The following BRPF3 variants were observed in gnomAD, a reference collection of about 807,000 sequenced individuals.
BRPF3 encodes bromodomain and PHD finger-containing protein 3.
BRPF3 carries 18 observed loss-of-function variants against 102.0 expected under a neutral mutation model. The observed-to-expected ratio is 0.18, with a 90% CI of 0.12 to 0.26. The LOEUF is 0.26. BRPF3 is among the 10% of genes least tolerant of loss of function. The probability of loss-of-function intolerance (pLI) is 1.00; values close to 1 mark genes in which losing one functional copy is unlikely to be tolerated. For synonymous variants in BRPF3, 570 were observed against 614.2 expected (o/e 0.93, Z 1.06); for missense variants, 1,147 against 1,567.8 (o/e 0.73, Z 4.53).
chr6:36,201,424 A>G lies in BRPF3; in HGVS notation c.1102A>G (p.Thr368Ala). The stretch of plus-strand genomic sequence containing the variant: ...CATGAAGATTGAGCCCATGCGCGAA[A>G]CCAGCCTCAATGGCACCATCTTTAC... ...LFMKIEPMRE[T>A]SLNGTIFTVR... The change falls in exon 2 of 13, where the codon ACC (threonine) becomes GCC (alanine). Residue 368 changes from threonine (T) to alanine (A), a missense_variant. By Grantham distance (58) the Thr-to-Ala change is moderately conservative (BLOSUM62 0). Transcript: ENST00000357641. This position sits in a 1 kb window ranked among gnomAD's most constrained non-coding sequence, Gnocchi z 5.1. 6 of 1,614,162 alleles carry G rather than the reference A, an allele frequency of 3.7e-6. No individual in the cohort carries two copies. Among genetic ancestry groups the G allele is most frequent in the Non-Finnish European group, 5.1e-6 (6 of 1,180,028 alleles).
intron 2 of BRPF3, among the ~76,000 whole-genome samples, chr6:36,202,732 A>G (rs1767760811): frequency 6.6e-6 from 1 of 152,170 alleles, no homozygotes; most frequent in East Asian, 1.9e-4. Context: ...TTTATTGAGC[A>G]CTTAATACAT....
rs527945521 is a variant in BRPF3 at position 36,209,456 on chromosome 6, T to C, written c.1738-331T>C. Among the ~76,000 whole-genome samples, 6 of 152,344 alleles carry C rather than the reference T, an allele frequency of 3.9e-5. No homozygotes were observed. In the South Asian group the frequency reaches 1.2e-3, roughly 32 times the overall value. On this transcript the variant is annotated intron_variant, in intron 4 of 12. Coordinates refer to ENST00000357641, the MANE Select transcript of BRPF3 (RefSeq NM_015695.3). The stretch of plus-strand genomic sequence containing the variant: ...CCTCATCTGTTCCTACCTCATATAC[T>C]CATTTATTTTACATAAAATGCTTAG...
At chr6:36,214,446 A>G in intron 8 of BRPF3, 60 bp downstream of exon 8, 1 of 1,493,780 alleles carries the variant, frequency 6.7e-7, no homozygotes, top group South Asian at 1.4e-5. Context: ...TTGCCTTGCC[A>G]ACCAGCACCT....
rs750789148 is a variant in BRPF3 at position 36,201,812 on chromosome 6, T to C, written c.1448+42T>C. ...GGGCTCCTTAGGGACTCATGGTTTC[T>C]TCTTGGGTTGGTGTTGGCCCTGTGC... On this transcript the variant is annotated intron_variant, in intron 2 of 12. Transcript: ENST00000357641. This position sits in a 1 kb window ranked among gnomAD's most constrained non-coding sequence, Gnocchi z 5.1. 6.5e-7 allele frequency: 1 copy of C among 1,542,574 alleles called. No homozygotes were observed. Among genetic ancestry groups the C allele is most frequent in the Non-Finnish European group, 8.7e-7 (1 of 1,146,604 alleles).
intron 9 of BRPF3, among the ~76,000 whole-genome samples, chr6:36,220,756 A>G (rs1446283865): frequency 1.3e-5 from 2 of 152,182 alleles, no homozygotes. Context: ...GTTTTTTCCC[A>G]AACAGTTTCT....
chr6:36,227,288 G>A (rs1274580342), intron 11 of BRPF3, among the ~76,000 whole-genome samples: 4 of 151,736 alleles, frequency 2.6e-5, no homozygotes, highest in Non-Finnish European at 5.9e-5. Flanking sequence ...CATTATAGAA[G>A]TTTGGAAAAA....
At chr6:36,222,407 T>A (rs1768581613) in intron 10 of BRPF3, 142 bp downstream of exon 10, 1 of 660,750 alleles carries the variant, frequency 1.5e-6, no homozygotes, top group Admixed American at 2.8e-5. Context: ...GGCAGGGAGA[T>A]GGCACTCTCC....
At chr6:36,205,617 AT>A (rs904018269) in intron 3 of BRPF3, among the ~76,000 whole-genome samples, 131 of 152,202 alleles carry the variant, frequency 8.6e-4, no homozygotes, top group African/African-American at 2.9e-3. Context: ...ATTGGGCTGC[AT>A]TTGACACCAC....
At chr6:36,203,671 A>T (rs981647123) in intron 2 of BRPF3, among the ~76,000 whole-genome samples, 1 of 152,194 alleles carries the variant, frequency 6.6e-6, no homozygotes, top group African/African-American at 2.4e-5. Flanking sequence ...CAACTTGTTT[A>T]GCTGTGCTTA....
At chr6:36,220,130 G>A (rs541943139) in intron 9 of BRPF3, among the ~76,000 whole-genome samples, 52 of 152,324 alleles carry the variant, frequency 3.4e-4, no homozygotes, top group African/African-American at 1.2e-3. Flanking sequence ...CTTGGAGAAA[G>A]GGCTGAAATG....
At chr6:36,197,296 G>T (rs1449198576) in intron 1 of BRPF3, 1 of 151,834 alleles carries the variant, frequency 6.6e-6, no homozygotes, top group Admixed American at 6.6e-5. Context: ...AGCGGCCCTA[G>T]GTCCCCTGGG....
At chr6:36,218,367 T>G (rs1768407668) in intron 9 of BRPF3, among the ~76,000 whole-genome samples, 1 of 151,966 alleles carries the variant, frequency 6.6e-6, no homozygotes, top group African/African-American at 2.4e-5. Flanking sequence ...CATTACAGAG[T>G]TGGTTTTGCT....
intron 12 of BRPF3, among the ~76,000 whole-genome samples, chr6:36,229,795 T>C (rs1768872720): frequency 6.6e-6 from 1 of 152,232 alleles, no homozygotes. Context: ...GATTGCTTTA[T>C]ATATCTGATC....
At position 36,201,780 on chromosome 6, in the gene BRPF3, C is replaced by A; in HGVS notation, c.1448+10C>A. The A allele has an allele frequency of 1.3e-6, 2 of 1,580,532 alleles. No individual in the cohort carries two copies. Among genetic ancestry groups the A allele is most frequent in the South Asian group, 1.2e-5 (1 of 85,238 alleles). ...AGATACCCTCTTACAGGTAAGCATG[C>A]CCAGAAGGGCTCCTTAGGGACTCAT... On this transcript the variant is annotated intron_variant, in intron 2 of 12. Transcript: ENST00000357641. The surrounding 1 kb of genome is among the most constrained non-coding windows in gnomAD (Gnocchi z 5.1).
Position 36,210,039 on chromosome 6 carries a change from G to T in BRPF3, c.1866+124G>T. The T allele has an allele frequency of 6.9e-7, 1 of 1,445,060 alleles. No individual in the cohort carries two copies. Among genetic ancestry groups the T allele is most frequent in the Non-Finnish European group, 9.5e-7 (1 of 1,054,718 alleles). 89.5% of individuals were successfully genotyped at this position (1,445,060 alleles called of 1,614,324 possible). A position where few individuals can be genotyped will look rare whatever the true frequency, so the allele number is the denominator to read the frequency against. Reference sequence around the variant, plus strand: ...GGGGTAGGAGGGTGGGTCTGGCAAAGCTAGTAGACTTGCCCTTGATGAGGG... The same window carrying T: ...GGGGTAGGAGGGTGGGTCTGGCAAATCTAGTAGACTTGCCCTTGATGAGGG... On this transcript the variant is annotated intron_variant, in intron 5 of 12. Transcript: ENST00000357641. This position sits in a 1 kb window ranked among gnomAD's most constrained non-coding sequence, Gnocchi z 4.7.
At chr6:36,220,052 A>G (rs970354043) in intron 9 of BRPF3, among the ~76,000 whole-genome samples, 3 of 152,188 alleles carry the variant, frequency 2.0e-5, no homozygotes, top group African/African-American at 7.2e-5. Context: ...GTCTGTTCTC[A>G]TGGATATGGA....
intron 10 of BRPF3, among the ~76,000 whole-genome samples, chr6:36,222,999 A>C (rs1419199977): frequency 6.6e-6 from 1 of 152,194 alleles, no homozygotes; most frequent in Non-Finnish European, 1.5e-5. Context: ...TCTCGCACAT[A>C]CATAACCCTG....
intron 7 of BRPF3, among the ~76,000 whole-genome samples, chr6:36,212,282 G>C (rs934059676): frequency 6.6e-6 from 1 of 152,138 alleles, no homozygotes; most frequent in Non-Finnish European, 1.5e-5. Flanking sequence ...CCTCATACCT[G>C]CCTTCGGATC....
At chr6:36,199,418 C>A (rs1009660765) in intron 1 of BRPF3, among the ~76,000 whole-genome samples, 1 of 152,196 alleles carries the variant, frequency 6.6e-6, no homozygotes, top group Non-Finnish European at 1.5e-5. Flanking sequence ...GGACTGCTGT[C>A]CTGGATGGTG....
Sources: gnomAD v4.1 joint callset for allele counts (sites outside exome capture counted in the v4.1 genomes callset) on GRCh38, gnomAD v4.1.1 for gene constraint, Gnocchi (gnomAD v3.1) non-coding constraint, MANE v1.5 for transcripts, NCBI Gene and HGNC (gene_info 2026-07-23, HGNC 2026-07-21) for gene names.